Variants in POSTN observed in about 807,000 individuals in gnomAD.
POSTN encodes osteoblast specific factor 2 (fasciclin I-like).
In POSTN, 71 loss-of-function variants were observed where a neutral mutation model predicts 104.5. The ratio of observed to expected loss-of-function variants is 0.68; its 90% CI spans 0.56 to 0.83. The LOEUF (loss-of-function observed/expected upper bound fraction) is 0.83. POSTN is among the 40% of genes least tolerant of loss of function. POSTN has a pLI of 0.00. For missense variants in POSTN, 949 were observed against 1,006.8 expected (o/e 0.94, Z 0.78); for synonymous variants, 355 against 340.7 (o/e 1.04, Z -0.46).
At chr13:37,577,703 CT>C in intron 16 of POSTN, 49 bp downstream of exon 16, 2 of 1,593,828 alleles carry the variant, frequency 1.3e-6, no homozygotes, top group South Asian at 1.1e-5. Flanking sequence ...GTATTGTTTT[CT>C]TTTTTCATAC....
Position 37,584,709 on chromosome 13 carries a change from T to A in POSTN, c.1108+7A>T. 1 of 1,607,884 alleles carries A rather than the reference T, an allele frequency of 6.2e-7. No individual in the cohort carries two copies. The highest frequency in any genetic ancestry group is 8.5e-7 in the Non-Finnish European group (1 of 1,176,132). ...AAACAAAAACAAAAACAAAAAAAGT[T>A]GCTTACCAGAATCAGGAATTAGGAC... On this transcript the variant is annotated splice_region_variant and intron_variant, in intron 8 of 22. Coordinates refer to ENST00000379747, the MANE Select transcript of POSTN (RefSeq NM_006475.3).
At position 37,583,973 on chromosome 13, in the gene POSTN, A is replaced by G; in HGVS notation, c.1239T>C (p.Phe413=). The G allele has an allele frequency of 6.2e-7, 1 of 1,613,590 alleles. No homozygotes were observed. Among genetic ancestry groups the G allele is most frequent in the Middle Eastern group, 1.7e-4 (1 of 6,054 alleles). The stretch of plus-strand genomic sequence containing the variant: ...ACAACAGTGTCCAGCACATACCAGA[A>G]AATGCATTATTCACAGGTGCCAGCA... ...YTLLAPVNNA[F]SDDTLSMDQR... is the part of the protein sequence containing the mutation. Residue 413 remains phenylalanine, a synonymous_variant, in exon 9 of 23, where the codon TTT becomes TTC. Coordinates refer to ENST00000379747, the MANE Select transcript of POSTN (RefSeq NM_006475.3).
At chr13:37,567,184 C>A (rs1210062669) in intron 21 of POSTN, among the ~76,000 whole-genome samples, 1 of 123,428 alleles carries the variant, frequency 8.1e-6, no homozygotes, top group Non-Finnish European at 1.6e-5. Context: ...TGCAGTGAGC[C>A]GAGATCCCGC....
At chr13:37,564,192 A>AAAACAT (rs1399741886) in intron 22 of POSTN, among the ~76,000 whole-genome samples, 2,011 of 95,824 alleles carry the variant, frequency 0.021, 42 homozygotes, top group African/African-American at 0.063. Flanking sequence ...ATATATATAT[A>AAAACAT]TATATATATA....
intron 17 of POSTN, among the ~76,000 whole-genome samples, chr13:37,574,010 T>C (rs938711854): frequency 6.6e-6 from 1 of 151,724 alleles, no homozygotes; most frequent in Non-Finnish European, 1.5e-5. Context: ...GAATTAAGTA[T>C]TTTAAAAATC....
chr13:37,571,297 A>G, intron 18 of POSTN, 72 bp downstream of exon 18: 1 of 1,011,478 alleles, frequency 9.9e-7, no homozygotes, highest in Non-Finnish European at 1.5e-6. Context: ...GATGTTCAAT[A>G]TTTCTAAACC....
intron 4 of POSTN, 34 bp from the exon 5 acceptor site, chr13:37,588,020 A>G (rs758017484): frequency 6.7e-7 from 1 of 1,494,796 alleles, no homozygotes; most frequent in Admixed American, 1.8e-5. Context: ...AATTCAATTT[A>G]TTGTGGAACA....
chr13:37,592,126 A>T lies in POSTN; in HGVS notation c.257T>A (p.Met86Lys), dbSNP rs750635484. 6.2e-7 allele frequency: 1 copy of T among 1,607,650 alleles called. No homozygotes were observed. Among genetic ancestry groups the T allele is most frequent in the Admixed American group, 1.7e-5 (1 of 59,982 alleles). ...TGCTGGGCAGCCTTTCATTCCTTCC[A>T]TTCTCATATAACCAGGGCAACATTC... is the stretch of plus-strand genomic sequence containing the variant. ...LYECCPGYMR[M>K]EGMKGCPAVL... The change falls in exon 3 of 23, where the codon ATG (methionine) becomes AAG (lysine). Residue 86 changes from methionine (M) to lysine (K), a missense_variant. By Grantham distance (95) the Met-to-Lys change is moderately conservative. Transcript: ENST00000379747.
chr13:37,592,117 A>G lies in POSTN; in HGVS notation c.266T>C (p.Met89Thr), dbSNP rs1593364889. ...GATTTTACCTGCTGGGCAGCCTTTCATTCCTTCCATTCTCATATAACCAGG... is the reference window on the plus strand; with the variant it reads ...GATTTTACCTGCTGGGCAGCCTTTCGTTCCTTCCATTCTCATATAACCAGG... ...CCPGYMRMEGMKGCPAVLPID... is the reference protein window; with the variant it reads ...CCPGYMRMEGTKGCPAVLPID... Residue 89 changes from methionine (M) to threonine (T), a missense_variant, in exon 3 of 23, where the codon ATG (methionine) becomes ACG (threonine). Physicochemically the swap from Met to Thr is moderately conservative, Grantham distance 81 (BLOSUM62 -1). Transcript: ENST00000379747. 6.2e-7 allele frequency: 1 copy of G among 1,606,872 alleles called. No homozygotes were observed. The highest frequency in any genetic ancestry group is 8.5e-7 in the Non-Finnish European group (1 of 1,173,622).
rs566165203 is a variant in POSTN at position 37,583,883 on chromosome 13, A to T, written c.1243+86T>A. The T allele has an allele frequency of 4.1e-5, 62 of 1,495,034 alleles. No individual in the cohort carries two copies. In the South Asian group the frequency reaches 7.9e-4, roughly 19 times the overall value. 92.6% of individuals were successfully genotyped at this position (1,495,034 alleles called of 1,614,324 possible). A position where few individuals can be genotyped will look rare whatever the true frequency, so the allele number is the denominator to read the frequency against. Reference sequence around the variant, plus strand: ...GAAACTAATCAACACCTCCTAAAACATTTATTGTTTCTTATTGCAAACAAT... The same window carrying T: ...GAAACTAATCAACACCTCCTAAAACTTTTATTGTTTCTTATTGCAAACAAT... On this transcript the variant is annotated intron_variant, in intron 9 of 22. Transcript: ENST00000379747.
chr13:37,569,303 C>T lies in POSTN; in HGVS notation c.2428G>A (p.Gly810Arg). The T allele has an allele frequency of 1.9e-6, 3 of 1,610,386 alleles. No homozygotes were observed. Among genetic ancestry groups the T allele is most frequent in the Non-Finnish European group, 2.5e-6 (3 of 1,177,030 alleles). The change falls in exon 21 of 23, where the codon GGA (glycine) becomes AGA (arginine). Residue 810 changes from glycine to arginine, a missense_variant. Gly to Arg is a moderately radical substitution (Grantham distance 125, BLOSUM62 -2). Transcript: ENST00000379747. ...TAGTTGTTGTCCTTTTACTAACCTC[C>T]CTGAAGCAGTCTTTTAATTTCTTCA... ...EDEEIKRLLQ[G>R]DTPVRKLQAN...
Position 37,563,604 on chromosome 13 carries a change from A to G in POSTN, c.2474-234T>C, listed in dbSNP as rs148958737. Among the ~76,000 whole-genome samples the G allele has an allele frequency of 2.3e-4, 35 of 152,204 alleles. No individual in the cohort carries two copies. In the East Asian group the frequency reaches 5.6e-3, roughly 24 times the overall value. ...TTTAACTCTTTAGAAAATTTGTGTC[A>G]ATTTGGATATTTACATAGATTTACT... On this transcript the variant is annotated intron_variant, in intron 22 of 22. Coordinates refer to ENST00000379747, the MANE Select transcript of POSTN (RefSeq NM_006475.3).
At chr13:37,566,997 G>A (rs538733029) in intron 21 of POSTN, among the ~76,000 whole-genome samples, 11 of 151,720 alleles carry the variant, frequency 7.3e-5, no homozygotes, top group African/African-American at 2.7e-4. Context: ...AGCACTTTGG[G>A]AGGCCGAGGC....
At chr13:37,577,484 T>G (rs8001709) in intron 16 of POSTN, among the ~76,000 whole-genome samples, 1 of 152,042 alleles carries the variant, frequency 6.6e-6, no homozygotes, top group South Asian at 2.1e-4. Flanking sequence ...TATGTCTTTT[T>G]ATTTTCCTGG....
In POSTN at chr13:37,579,982, G is replaced by T; in HGVS notation, c.1539C>A (p.Leu513=). The change falls in exon 12 of 23, where the codon CTC becomes CTA. Residue 513 remains leucine, a synonymous_variant. Coordinates refer to ENST00000379747, the MANE Select transcript of POSTN (RefSeq NM_006475.3). ...LKQDKRFSTF[L]SLLEAADLKE... ...TCAAGTCTGCAGCTTCAAGTAGGCT[G>T]AGGAAGGTGCTAAGTGGGAAGAATG... 1 of 1,613,276 alleles carries T rather than the reference G, an allele frequency of 6.2e-7. No individual in the cohort carries two copies. The highest frequency in any genetic ancestry group is 1.3e-5 in the African/African-American group (1 of 75,038).
At chr13:37,567,021 G>A (rs1034286666) in intron 21 of POSTN, among the ~76,000 whole-genome samples, 1 of 150,958 alleles carries the variant, frequency 6.6e-6, no homozygotes, top group African/African-American at 2.4e-5. Flanking sequence ...CGGATCACGA[G>A]GTCAGGAGAT....
intron 21 of POSTN, among the ~76,000 whole-genome samples, chr13:37,565,902 G>A (rs1950087140): frequency 6.6e-6 from 1 of 152,032 alleles, no homozygotes; most frequent in African/African-American, 2.4e-5. Context: ...ACCTTTAATT[G>A]GTGTGCAGGC....
rs371844178 is a variant in POSTN at position 37,586,237 on chromosome 13, T to A, written c.797A>T (p.Asp266Val). ...GGGAGCAAAGAGTGTGAAGTGACCG[T>A]CTCTTCCAAGGGCCTCCAATATGTC... ...TSDILEALGR[D>V]GHFTLFAPTN... Residue 266 changes from aspartate to valine, a missense_variant, in exon 7 of 23, where the codon GAC (aspartate) becomes GTC (valine). Coordinates refer to ENST00000379747, the MANE Select transcript of POSTN (RefSeq NM_006475.3). 21 of 1,613,510 alleles carry A rather than the reference T, an allele frequency of 1.3e-5. No homozygotes were observed. In the Middle Eastern group the frequency reaches 4.9e-4, roughly 38 times the overall value.
intron 20 of POSTN, 90 bp downstream of exon 20, chr13:37,569,654 A>G: frequency 9.9e-7 from 1 of 1,007,026 alleles, no homozygotes; most frequent in South Asian, 1.3e-5. Context: ...ATAGATTGAG[A>G]TAGAGTAGAA....
Sources: allele counts gnomAD v4.1 joint callset (sites outside exome capture counted in the v4.1 genomes callset), GRCh38; gene constraint gnomAD v4.1.1; transcripts MANE v1.5; gene names NCBI Gene and HGNC (gene_info 2026-07-23, HGNC 2026-07-21).